UNC93A: variants seen among roughly 807,000 people sequenced by gnomAD.
The protein encoded by UNC93A is unc-93 homolog A.
Under a neutral mutation model 47.5 loss-of-function variants are expected in UNC93A, and 43 were observed. That is an observed-to-expected ratio of 0.91 (90% CI 0.71 to 1.17). The LOEUF (loss-of-function observed/expected upper bound fraction) is 1.17, where lower values mean the gene tolerates loss of function less well. Ranked by LOEUF, UNC93A falls within the 50% of genes most tolerant of loss-of-function variation. UNC93A has a pLI of 0.00. For synonymous variants in UNC93A, 280 were observed against 258.0 expected, an observed-to-expected ratio of 1.09 and a Z score of -0.82; for missense variants, 605 against 577.6, an observed-to-expected ratio of 1.05 and a Z score of -0.49.
chr6:167,294,653 T>G lies in UNC93A; in HGVS notation c.224T>G (p.Met75Arg), dbSNP rs553607245. Residue 75 changes from methionine to arginine, a missense_variant, in exon 2 of 8, where the codon ATG (methionine) becomes AGG (arginine). Met to Arg is a moderately conservative substitution (Grantham distance 91). Coordinates refer to ENST00000230256, the MANE Select transcript of UNC93A (RefSeq NM_018974.4). ...LGCKGTIILSMCGYVAFSVGN... is the reference protein window; with the variant it reads ...LGCKGTIILSRCGYVAFSVGN... ...TGCAAGGGGACCATCATCCTCTCCA[T>G]GTGTGGCTACGTGGCCTTCTCCGTG... The G allele has an allele frequency of 6.2e-7, 1 of 1,609,888 alleles. No individual in the cohort carries two copies. Among genetic ancestry groups the G allele is most frequent in the Non-Finnish European group, 8.5e-7 (1 of 1,176,626 alleles).
Position 167,297,909 on chromosome 6 carries a change from G to A in UNC93A, c.500-36G>A, listed in dbSNP as rs116227630. ...GAACCTACATCTTGTCACATTTGCC[G>A]TCATCTCATGTCTCCTGTCCACTCT... is the stretch of plus-strand genomic sequence containing the variant. On this transcript the variant is annotated intron_variant, in intron 3 of 7. Transcript: ENST00000230256. The A allele has an allele frequency of 9.5e-4, 1,522 of 1,604,732 alleles. 7 individuals carry two copies. The African/African-American group carries it at 0.011, about 11-fold the overall frequency.
chr6:167,308,937 G>T (rs1202263228), intron 7 of UNC93A, among the ~76,000 whole-genome samples: 1 of 152,122 alleles, frequency 6.6e-6, no homozygotes, highest in African/African-American at 2.4e-5. Flanking sequence ...ACAGAATAGG[G>T]TGGCCTGGCC....
intron 2 of UNC93A, among the ~76,000 whole-genome samples, chr6:167,295,484 ACCTCGCCTCCCTCGTGAT>A: frequency 2.6e-5 from 1 of 38,316 alleles, no homozygotes; most frequent in East Asian, 8.4e-4. Flanking sequence ...TCCCTCGTGA[ACCTCGCCTCCCTCGTGAT>A]CCTCGCCTGC....
chr6:167,291,151 G>A (rs550268417), upstream of UNC93A, among the ~76,000 whole-genome samples: 1 of 152,234 alleles, frequency 6.6e-6, no homozygotes, highest in South Asian at 2.1e-4. Flanking sequence ...TTTACCATCT[G>A]GACCATGTCT....
At position 167,273,877 on chromosome 6, in the gene UNC93A, A is replaced by G. The variant is rs372701841; in HGVS notation, c.-52+2419A>G. On this transcript the variant is annotated intron_variant, in intron 1 of 3. Coordinates refer to the UNC93A transcript ENST00000503433. The stretch of plus-strand genomic sequence containing the variant: ...TTAGGATAAGGGGTTGTGGAGACCA[A>G]GGTCCTTACTATGCTGATGCAGCCT... Among the ~76,000 whole-genome samples, 4 of 151,910 alleles carry G rather than the reference A, an allele frequency of 2.6e-5. No homozygotes were observed. The East Asian group carries it at 7.7e-4, about 29-fold the overall frequency.
At chr6:167,300,526 C>A (rs1169237608) in intron 4 of UNC93A, among the ~76,000 whole-genome samples, 1 of 152,106 alleles carries the variant, frequency 6.6e-6, no homozygotes, top group African/African-American at 2.4e-5. Flanking sequence ...ATCAGGCGAG[C>A]AACCTGGGGA....
chr6:167,300,329 C>A (rs562458788), intron 4 of UNC93A, among the ~76,000 whole-genome samples: 1 of 152,234 alleles, frequency 6.6e-6, no homozygotes, highest in African/African-American at 2.4e-5. Context: ...TTCAGCAACA[C>A]TGAGGGCCAG....
chr6:167,308,707 G>A (rs1041481752), intron 7 of UNC93A, among the ~76,000 whole-genome samples: 3 of 152,046 alleles, frequency 2.0e-5, no homozygotes, highest in African/African-American at 7.3e-5. Flanking sequence ...CCAGCATGTG[G>A]GGGAGGGTCA....
intron 7 of UNC93A, among the ~76,000 whole-genome samples, chr6:167,309,119 G>A (rs549784465): frequency 1.8e-4 from 27 of 152,246 alleles, no homozygotes; most frequent in Non-Finnish European, 1.8e-4. Flanking sequence ...CCAGCTACTC[G>A]GGAGGCTGAG....
chr6:167,307,066 C>A (rs1778418549), intron 6 of UNC93A, among the ~76,000 whole-genome samples: 1 of 152,174 alleles, frequency 6.6e-6, no homozygotes, highest in African/African-American at 2.4e-5. Context: ...ACCATGGGCA[C>A]ACTTTGTCCT....
intron 1 of UNC93A, among the ~76,000 whole-genome samples, chr6:167,284,799 G>A (rs1783694246): frequency 6.6e-6 from 1 of 151,458 alleles, no homozygotes; most frequent in African/African-American, 2.4e-5. Context: ...TCTGAGGGCG[G>A]TCGCCACAGG....
chr6:167,273,887 T>C (rs1374884280), intron 1 of UNC93A, among the ~76,000 whole-genome samples: 1 of 151,926 alleles, frequency 6.6e-6, no homozygotes, highest in African/African-American at 2.4e-5. Flanking sequence ...AGGTCCTTAC[T>C]ATGCTGATGC....
chr6:167,276,064 C>T (rs206972), intron 1 of UNC93A, among the ~76,000 whole-genome samples: 92,602 of 139,098 alleles, frequency 0.67, 29,608 homozygotes, highest in African/African-American at 0.71. Context: ...CTTTTCTTTT[C>T]TTTTTTTTTT....
At chr6:167,281,156 G>A (rs1338084196) in intron 1 of UNC93A, among the ~76,000 whole-genome samples, 2 of 151,466 alleles carry the variant, frequency 1.3e-5, no homozygotes, top group Non-Finnish European at 2.9e-5. Context: ...ACTGAGAGGA[G>A]CCTCGGTAGG....
chr6:167,281,490 T>G (rs1268599760), intron 1 of UNC93A, among the ~76,000 whole-genome samples: 1 of 152,162 alleles, frequency 6.6e-6, no homozygotes, highest in Non-Finnish European at 1.5e-5. Context: ...ATTCTAACAC[T>G]CACTCCCTGG....
Position 167,298,041 on chromosome 6 carries a change from T to C in UNC93A, c.596T>C (p.Leu199Pro). Residue 199 changes from leucine (L) to proline (P), a missense_variant, in exon 4 of 8, where the codon CTG (leucine) becomes CCG (proline). Physicochemically the swap from Leu to Pro is moderately conservative, Grantham distance 98. Coordinates refer to ENST00000230256, the MANE Select transcript of UNC93A (RefSeq NM_018974.4). ...AGCACCCAGAGGCCCTCCCAGCAGCTGGTCTACACCCTCCTGGGCATCTAC... is the reference window on the plus strand; with the variant it reads ...AGCACCCAGAGGCCCTCCCAGCAGCCGGTCTACACCCTCCTGGGCATCTAC... ...TNSTQRPSQQ[L>P]VYTLLGIYTG... 9.9e-6 allele frequency: 16 copies of C among 1,612,956 alleles called. No individual in the cohort carries two copies. The highest frequency in any genetic ancestry group is 1.4e-5 in the Non-Finnish European group (16 of 1,179,656).
chr6:167,300,138 C>A (rs567058940), intron 4 of UNC93A, among the ~76,000 whole-genome samples: 2 of 152,306 alleles, frequency 1.3e-5, no homozygotes, highest in African/African-American at 4.8e-5. Context: ...CGCAGTGGGA[C>A]TCTTGCATAG....
chr6:167,304,032 T>C lies in UNC93A; in HGVS notation c.739T>C (p.Ser247Pro), dbSNP rs1469161260. ...AGTACCTTTCTGGTCCACTTTACTG[T>C]CGACTTTCAAGCTATATAGAGATAA... Reference protein sequence around the residue: ...KSVPFWSTLLSTFKLYRDKRL... With the variant: ...KSVPFWSTLLPTFKLYRDKRL... The change falls in exon 5 of 8, where the codon TCG becomes CCG. Residue 247 changes from serine (S) to proline (P), a missense_variant. Coordinates refer to ENST00000230256, the MANE Select transcript of UNC93A (RefSeq NM_018974.4). 1 of 1,613,930 alleles carries C rather than the reference T, an allele frequency of 6.2e-7. No individual in the cohort carries two copies.
chr6:167,301,740 A>G (rs541132697), intron 4 of UNC93A, among the ~76,000 whole-genome samples: 2 of 152,292 alleles, frequency 1.3e-5, no homozygotes. Context: ...TTGACACTGA[A>G]GTCCTGGCCC....
Sources: allele counts gnomAD v4.1 joint callset (sites outside exome capture counted in the v4.1 genomes callset), GRCh38; gene constraint gnomAD v4.1.1; transcripts MANE v1.5; gene names NCBI Gene and HGNC (gene_info 2026-07-23, HGNC 2026-07-21).